AKAP19: variants seen among roughly 807,000 people sequenced by gnomAD.
AKAP19 encodes small A-kinase anchoring protein.
chr2:189,993,457 G>A, the AKAP19 span, among the ~76,000 whole-genome samples: 1 of 152,132 alleles, frequency 6.6e-6, no homozygotes, highest in Non-Finnish European at 1.5e-5. Context: ...TTGGTCTGTA[G>A]TTTTCTTTTT....
the AKAP19 span, among the ~76,000 whole-genome samples, chr2:190,136,497 A>C: frequency 1.3e-5 from 2 of 152,202 alleles, no homozygotes; most frequent in African/African-American, 4.8e-5. Flanking sequence ...TCATGCACGC[A>C]GATGATCAAA....
chr2:189,923,277 A>T, the AKAP19 span: 17 of 1,462,656 alleles, frequency 1.2e-5, no homozygotes, highest in Admixed American at 1.7e-5. Context: ...TCAGAATCGA[A>T]TCTCTTCTCC....
the AKAP19 span, among the ~76,000 whole-genome samples, chr2:189,977,808 C>T: frequency 6.6e-6 from 1 of 152,192 alleles, no homozygotes; most frequent in African/African-American, 2.4e-5. Context: ...AACACATACA[C>T]ATATTTACAA....
chr2:189,950,343 T>G, the AKAP19 span, among the ~76,000 whole-genome samples: 80 of 149,754 alleles, frequency 5.3e-4, 2 homozygotes, highest in African/African-American at 1.9e-3. Context: ...TGTTTTTTTT[T>G]TTTGTTTTTT....
the AKAP19 span, among the ~76,000 whole-genome samples, chr2:190,193,718 A>G: frequency 6.6e-6 from 1 of 152,108 alleles, no homozygotes; most frequent in African/African-American, 2.4e-5. Context: ...ACTTTTCTTG[A>G]TCAGTCTGTA....
the AKAP19 span, chr2:189,924,006 A>C: frequency 3.2e-6 from 5 of 1,583,342 alleles, no homozygotes; most frequent in Non-Finnish European, 3.5e-6. Flanking sequence ...GAAGAGGAGC[A>C]GAGCAGCAGC....
the AKAP19 span, among the ~76,000 whole-genome samples, chr2:189,964,866 A>G: frequency 6.6e-6 from 1 of 152,222 alleles, no homozygotes; most frequent in African/African-American, 2.4e-5. Context: ...CCTTACTGCA[A>G]TAAGGCTGAA....
the AKAP19 span, among the ~76,000 whole-genome samples, chr2:189,944,991 G>T: frequency 1.3e-5 from 2 of 152,060 alleles, no homozygotes; most frequent in African/African-American, 2.4e-5. Context: ...GCTCCTAAAT[G>T]ACCAAATGGT....
At chr2:190,073,395 A>G in the AKAP19 span, among the ~76,000 whole-genome samples, 1 of 152,168 alleles carries the variant, frequency 6.6e-6, no homozygotes, top group Non-Finnish European at 1.5e-5. Flanking sequence ...GAGTAAGAAT[A>G]GAATAGAGTG....
the AKAP19 span, among the ~76,000 whole-genome samples, chr2:190,140,658 G>C: frequency 6.6e-6 from 1 of 152,200 alleles, no homozygotes; most frequent in Admixed American, 6.5e-5. Flanking sequence ...ATACAGCAGG[G>C]AGGCCCTGGA....
chr2:189,964,252 A>G, the AKAP19 span, among the ~76,000 whole-genome samples: 2 of 152,134 alleles, frequency 1.3e-5, no homozygotes, highest in Admixed American at 1.3e-4. Context: ...TTTTTTCCTA[A>G]TAGGTCTCAA....
the AKAP19 span, among the ~76,000 whole-genome samples, chr2:189,973,456 G>C: frequency 7.9e-5 from 12 of 152,194 alleles, 1 homozygote; most frequent in East Asian, 1.7e-3. Flanking sequence ...TTTTTTGGTT[G>C]TGTCTCTGCC....
At chr2:189,943,543 C>G in the AKAP19 span, among the ~76,000 whole-genome samples, 2 of 152,218 alleles carry the variant, frequency 1.3e-5, no homozygotes, top group Admixed American at 6.5e-5. Context: ...TTGGAGCCCC[C>G]ACACAGAGTC....
chr2:190,007,943 C>A, the AKAP19 span, among the ~76,000 whole-genome samples: 32 of 152,282 alleles, frequency 2.1e-4, no homozygotes, highest in Non-Finnish European at 2.5e-4. Context: ...GCCTGGGCAA[C>A]AGCAAGAGAC....
the AKAP19 span, among the ~76,000 whole-genome samples, chr2:190,191,104 A>C: frequency 6.6e-6 from 1 of 152,144 alleles, no homozygotes; most frequent in Admixed American, 6.5e-5. Context: ...AACTTTTGGC[A>C]ATTATAAAGC....
the AKAP19 span, among the ~76,000 whole-genome samples, chr2:190,138,845 G>A: frequency 1.3e-5 from 2 of 152,160 alleles, no homozygotes; most frequent in Admixed American, 1.3e-4. Context: ...CTTCATTTGG[G>A]AGACAATATA....
chr2:190,156,337 A>G, the AKAP19 span, among the ~76,000 whole-genome samples: 85 of 152,330 alleles, frequency 5.6e-4, no homozygotes, highest in Middle Eastern at 3.4e-3. Flanking sequence ...AATAGATTTT[A>G]TATACATACA....
At chr2:190,151,357 C>T in the AKAP19 span, among the ~76,000 whole-genome samples, 3 of 152,166 alleles carry the variant, frequency 2.0e-5, no homozygotes, top group Non-Finnish European at 2.9e-5. Context: ...TCCTGATGCT[C>T]TCCCTTTCCC....
chr2:189,909,962 G>T, the AKAP19 span, among the ~76,000 whole-genome samples: 1 of 151,650 alleles, frequency 6.6e-6, no homozygotes, highest in African/African-American at 2.4e-5. Flanking sequence ...TTTAACACAG[G>T]TCACATGTCT....
Sources: allele counts gnomAD v4.1 joint callset (sites outside exome capture counted in the v4.1 genomes callset), GRCh38; gene constraint gnomAD v4.1.1; transcripts MANE v1.5; gene names NCBI Gene and HGNC (gene_info 2026-07-23, HGNC 2026-07-21).